Variants in FGD6 observed in about 807,000 individuals in gnomAD.
The protein encoded by FGD6 is FYVE, RhoGEF and PH domain containing 6, also known as FYVE, RhoGEF and PH domain-containing protein 6.
A neutral mutation model predicts 149.4 loss-of-function variants in FGD6; 90 were observed. The ratio of observed to expected loss-of-function variants is 0.60; its 90% confidence interval spans 0.51 to 0.72. The LOEUF (loss-of-function observed/expected upper bound fraction) is 0.72. Ranked by LOEUF, FGD6 falls within the 30% of genes least tolerant of loss-of-function variation. The pLI, the probability that FGD6 is intolerant of heterozygous loss-of-function variation, is 0.00. For missense variants in FGD6, 1,437 were observed against 1,684.8 expected (o/e 0.85, Z 2.57); for synonymous variants, 527 against 584.0 (o/e 0.90, Z 1.41).
chr12:95,132,836 C>A (rs1879564157), intron 8 of FGD6, among the ~76,000 whole-genome samples: 1 of 152,086 alleles, frequency 6.6e-6, no homozygotes, highest in Admixed American at 6.6e-5. Flanking sequence ...GATTCTTGTT[C>A]CATTCCCCTC....
At chr12:95,184,427 A>G (rs4128508) in intron 2 of FGD6, among the ~76,000 whole-genome samples, 7,745 of 152,232 alleles carry the variant, frequency 0.051, 280 homozygotes, top group Middle Eastern at 0.099. Context: ...TTCAGATTCT[A>G]TTCACACAAA....
intron 18 of FGD6, among the ~76,000 whole-genome samples, chr12:95,086,174 A>T (rs1323355410): frequency 1.3e-5 from 2 of 152,182 alleles, no homozygotes; most frequent in Non-Finnish European, 2.9e-5. Context: ...TGGTGGGTTC[A>T]TCTGTGTTTT....
chr12:95,078,419 G>A lies in FGD6; in HGVS notation c.*3101C>T, dbSNP rs1296884813. The A allele has an allele frequency of 6.6e-6, 1 of 152,136 alleles. No homozygotes were observed. The highest frequency in any genetic ancestry group is 1.5e-5 in the Non-Finnish European group (1 of 68,036). 9.4% of individuals were successfully genotyped at this position (152,136 alleles called of 1,614,324 possible). A position where few individuals can be genotyped will look rare whatever the true frequency, so the allele number is the denominator to read the frequency against. On this transcript the variant is annotated 3_prime_UTR_variant, in exon 21 of 21. Transcript: ENST00000343958. ...ACATTTTAACTAAATTACCAAATAG[G>A]AGACTTTCCCCACATCTAGATATAT...
chr12:95,130,819 GAGT>G, intron 8 of FGD6, among the ~76,000 whole-genome samples: 1 of 152,180 alleles, frequency 6.6e-6, no homozygotes, highest in Middle Eastern at 3.4e-3. Flanking sequence ...TCACAAAAAT[GAGT>G]ACTGGAAAAT....
At chr12:95,129,437 C>T (rs138266786) in intron 8 of FGD6, among the ~76,000 whole-genome samples, 86 of 152,256 alleles carry the variant, frequency 5.6e-4, no homozygotes, top group African/African-American at 1.8e-3. Context: ...TCCCTAATTA[C>T]ACCTGTCAGT....
At chr12:95,213,364 A>G (rs1180362003) in intron 1 of FGD6, among the ~76,000 whole-genome samples, 3 of 152,128 alleles carry the variant, frequency 2.0e-5, no homozygotes, top group Non-Finnish European at 2.9e-5. Flanking sequence ...GGATTGCTTG[A>G]GCTCAGGAAT....
chr12:95,083,030 T>TATATATATATACACACACAC (rs772685891), intron 20 of FGD6, among the ~76,000 whole-genome samples: 6 of 56,596 alleles, frequency 1.1e-4, no homozygotes, highest in Non-Finnish European at 1.3e-4. Flanking sequence ...TATATATATA[T>TATATATATATACACACACAC]ACACACACAT....
At chr12:95,184,929 A>G (rs1881387434) in intron 2 of FGD6, among the ~76,000 whole-genome samples, 1 of 146,178 alleles carries the variant, frequency 6.8e-6, no homozygotes, top group South Asian at 2.2e-4. Flanking sequence ...ACTGGAGTGC[A>G]GTGGTGCGAT....
At chr12:95,160,563 A>G (rs993640213) in intron 3 of FGD6, among the ~76,000 whole-genome samples, 2 of 152,168 alleles carry the variant, frequency 1.3e-5, no homozygotes, top group Non-Finnish European at 2.9e-5. Context: ...CCCAACCCCC[A>G]TGCCCAGGTG....
chr12:95,189,470 A>C (rs192587291), intron 2 of FGD6: 5 of 152,292 alleles, frequency 3.3e-5, no homozygotes, highest in African/African-American at 1.2e-4. Context: ...AACATGGTGA[A>C]GCCCCATCTC....
At chr12:95,097,185 C>T (rs1164949776) in intron 14 of FGD6, among the ~76,000 whole-genome samples, 2 of 152,194 alleles carry the variant, frequency 1.3e-5, no homozygotes, top group Non-Finnish European at 2.9e-5. Flanking sequence ...ATTCTAGTCT[C>T]CTTTTGTAAC....
At chr12:95,176,702 G>A (rs1592864451) in intron 2 of FGD6, among the ~76,000 whole-genome samples, 1 of 151,944 alleles carries the variant, frequency 6.6e-6, no homozygotes, top group African/African-American at 2.4e-5. Flanking sequence ...TTTTCTATAT[G>A]CTAGTTTCTA....
At chr12:95,216,668 G>GAAAAAAAAA (rs2056796081) in intron 1 of FGD6, among the ~76,000 whole-genome samples, 1 of 10,530 alleles carries the variant, frequency 9.5e-5, no homozygotes, top group Non-Finnish European at 1.7e-4. Context: ...GTGCAGACAA[G>GAAAAAAAAA]CAAAAAAAAA....
rs2056705671 is a variant in FGD6 at position 95,208,761 on chromosome 12, TC to T, written c.2441+81del. On this transcript the variant is annotated intron_variant, in intron 2 of 20. Transcript: ENST00000343958. ...TATTCCTTCAACCACGTGTTTTTTTTCCCCCTGCATTCCTAACTCACCAGGC... is the reference window on the plus strand; with the variant it reads ...TATTCCTTCAACCACGTGTTTTTTTTCCCCTGCATTCCTAACTCACCAGGC... 2.7e-6 allele frequency: 4 copies of T among 1,472,784 alleles called. No homozygotes were observed. In the South Asian group the frequency reaches 4.2e-5, roughly 15 times the overall value. The allele number at this position is 1,472,784 out of a possible 1,614,324, so 91.2% of individuals were successfully genotyped here. A position where few individuals can be genotyped will look rare whatever the true frequency, so the allele number is the denominator to read the frequency against.
At chr12:95,124,164 G>A (rs1417817503) in intron 8 of FGD6, among the ~76,000 whole-genome samples, 4 of 151,482 alleles carry the variant, frequency 2.6e-5, no homozygotes, top group African/African-American at 7.3e-5. Flanking sequence ...CTTCTGCCTC[G>A]GCCTCCCAAA....
At chr12:95,116,901 G>A (rs1879033973) in intron 8 of FGD6, 4 of 455,876 alleles carry the variant, frequency 8.8e-6, no homozygotes, top group South Asian at 4.6e-5. Flanking sequence ...GGCCTTAACT[G>A]CAGCATAAGA....
intron 18 of FGD6, among the ~76,000 whole-genome samples, chr12:95,088,376 C>T (rs1224137465): frequency 1.3e-5 from 2 of 152,094 alleles, no homozygotes; most frequent in African/African-American, 4.8e-5. Flanking sequence ...ACCCCAGAAG[C>T]AATGAAAATT....
chr12:95,210,571 T>G lies in FGD6; in HGVS notation c.713A>C (p.His238Pro), dbSNP rs1345871708. ...AGGAAGCTGTAAGTGGCAACTGTGA[T>G]GATCAGGAACTTTTTCAAAGCTGGA... ...SPSSFEKVPDHHSCHLQLPSD... is the reference protein window; with the variant it reads ...SPSSFEKVPDPHSCHLQLPSD... Residue 238 changes from histidine to proline, a missense_variant, in exon 2 of 21, where the codon CAT becomes CCT. Around this residue, in one of 2 missense-constraint regions of FGD6, gnomAD observed 1,055 missense variants for 1,146.0 expected, o/e 0.92. Transcript: ENST00000343958. The G allele has an allele frequency of 6.2e-7, 1 of 1,614,216 alleles. No individual in the cohort carries two copies. Among genetic ancestry groups the G allele is most frequent in the South Asian group, 1.1e-5 (1 of 91,078 alleles).
rs1169643569 is a variant in FGD6 at position 95,077,828 on chromosome 12, T to C, written c.*3692A>G. 6.6e-6 allele frequency: 1 copy of C among 152,124 alleles called. No homozygotes were observed. Among genetic ancestry groups the C allele is most frequent in the Non-Finnish European group, 1.5e-5 (1 of 68,034 alleles). 9.4% of individuals were successfully genotyped at this position (152,124 alleles called of 1,614,324 possible). A position where few individuals can be genotyped will look rare whatever the true frequency, so the allele number is the denominator to read the frequency against. ...TCTCTTACAGAAGAAAATAAACAGA[T>C]TTGAATGGGAAGGAAGTTGAGTTTT... On this transcript the variant is annotated 3_prime_UTR_variant, in exon 21 of 21. Coordinates refer to ENST00000343958, the MANE Select transcript of FGD6 (RefSeq NM_018351.4).
Sources: allele counts gnomAD v4.1 joint callset (sites outside exome capture counted in the v4.1 genomes callset), GRCh38; gene constraint gnomAD v4.1.1; regional missense constraint gnomAD v4.1.1; transcripts MANE v1.5; gene names NCBI Gene and HGNC (gene_info 2026-07-23, HGNC 2026-07-21).